The following LONRF2 variants were observed in gnomAD, a reference collection of about 807,000 sequenced individuals.
LONRF2 encodes LON peptidase N-terminal domain and ring finger 2.
Under a neutral mutation model 66.6 loss-of-function variants are expected in LONRF2, and 35 were observed. That is an observed-to-expected ratio of 0.53 (90% confidence interval 0.40 to 0.70). The LOEUF (loss-of-function observed/expected upper bound fraction) is 0.70, where lower values mean the gene tolerates loss of function less well. Among genes scored for constraint, LONRF2 ranks in the 30% least tolerant of loss-of-function variants. The pLI is 0.00. For synonymous variants in LONRF2, 417 were observed against 418.1 expected (o/e 1.00, Z 0.03); for missense variants, 902 against 1,002.1 (o/e 0.90, Z 1.35).
At chr2:100,311,764 G>C (rs1675412963) in intron 1 of LONRF2, among the ~76,000 whole-genome samples, 1 of 152,046 alleles carries the variant, frequency 6.6e-6, no homozygotes, top group Non-Finnish European at 1.5e-5. Context: ...TAACAAGTAG[G>C]TGTTGAATTT....
chr2:100,284,772 G>T (rs1217843635), intron 11 of LONRF2, among the ~76,000 whole-genome samples: 2 of 152,192 alleles, frequency 1.3e-5, no homozygotes. Flanking sequence ...CAAGCTTTCA[G>T]TTAAGAGTAT....
chr2:100,299,400 G>A (rs1675133448), intron 5 of LONRF2, 81 bp from the exon 6 acceptor site: 4 of 811,248 alleles, frequency 4.9e-6, no homozygotes, highest in Non-Finnish European at 7.6e-6. Context: ...ATTTTCTCTG[G>A]ACCAAACGTG....
intron 7 of LONRF2, among the ~76,000 whole-genome samples, chr2:100,298,277 T>C (rs530407443): frequency 1.3e-5 from 2 of 152,354 alleles, no homozygotes; most frequent in South Asian, 4.1e-4. Flanking sequence ...TTTAATAGTT[T>C]ATATTGGGGC....
intron 7 of LONRF2, among the ~76,000 whole-genome samples, chr2:100,298,376 C>G (rs1475612355): frequency 6.6e-6 from 1 of 152,088 alleles, no homozygotes; most frequent in Non-Finnish European, 1.5e-5. Flanking sequence ...CCCATGGGAC[C>G]TGAATTTTAC....
At position 100,274,184 on chromosome 2, in the gene LONRF2, T is replaced by C. The variant is rs1449461630; in HGVS notation, c.*10114A>G. On this transcript the variant is annotated 3_prime_UTR_variant, in exon 12 of 12. Transcript: ENST00000393437. The stretch of plus-strand genomic sequence containing the variant: ...CAGTAAACTTCCTCAGGGTTCTCTA[T>C]TATGATCAGGGCCAATCCTTCACCT... 2.0e-5 allele frequency: 3 copies of C among 152,102 alleles called. No individual in the cohort carries two copies. Among genetic ancestry groups the C allele is most frequent in the Non-Finnish European group, 4.4e-5 (3 of 68,030 alleles). The allele number at this position is 152,102 out of a possible 1,614,324, so 9.4% of individuals were successfully genotyped here.
Position 100,272,126 on chromosome 2 carries a change from C to G in LONRF2, c.*12172G>C, listed in dbSNP as rs1319939669. Among the ~76,000 whole-genome samples, 2 of 152,180 alleles carry G rather than the reference C, an allele frequency of 1.3e-5. No individual in the cohort carries two copies. Among genetic ancestry groups the G allele is most frequent in the Non-Finnish European group, 2.9e-5 (2 of 68,026 alleles). On this transcript the variant is annotated 3_prime_UTR_variant, in exon 12 of 12. Coordinates refer to ENST00000393437, the MANE Select transcript of LONRF2 (RefSeq NM_198461.4). ...TTAGTCTATGATTTTTGCCCCATAT[C>G]CATGTTAGAGGAAGAACTTAAATAT...
At chr2:100,286,875 G>C (rs754033182) in intron 11 of LONRF2, 39 bp downstream of exon 11, 9 of 1,599,090 alleles carry the variant, frequency 5.6e-6, no homozygotes, top group African/African-American at 4.0e-5. Context: ...CACTACAGCA[G>C]GAAGTAACAG....
chr2:100,321,736 C>T lies in LONRF2; in HGVS notation c.358G>A (p.Gly120Ser). Reference protein sequence around the residue: ...DRPLSAENPGGEPEAPGEGGP... With the variant: ...DRPLSAENPGSEPEAPGEGGP... ...CCCTCGCCGGGCGCCTCGGGCTCGC[C>T]GCCCGGGTTCTCCGCGGACAGCGGC... The change falls in exon 1 of 12, where the codon GGC becomes AGC. Residue 120 changes from glycine to serine, a missense_variant. Around this residue, in one of 2 missense-constraint regions of LONRF2, gnomAD observed 585 missense variants for 569.9 expected, o/e 1.03. Coordinates refer to ENST00000393437, the MANE Select transcript of LONRF2 (RefSeq NM_198461.4). The T allele has an allele frequency of 9.0e-7, 1 of 1,106,580 alleles. No homozygotes were observed. Among genetic ancestry groups the T allele is most frequent in the Non-Finnish European group, 1.1e-6 (1 of 910,428 alleles). The allele number at this position is 1,106,580 out of a possible 1,614,324, so 68.5% of individuals were successfully genotyped here.
chr2:100,296,949 T>G (rs1675080560), intron 7 of LONRF2, among the ~76,000 whole-genome samples: 1 of 152,138 alleles, frequency 6.6e-6, no homozygotes, highest in Non-Finnish European at 1.5e-5. Context: ...AATTTTGGAT[T>G]TTATTTCACT....
rs1026706968 is a variant in LONRF2, at chr2:100,280,017, G to A, written c.*4281C>T. On this transcript the variant is annotated 3_prime_UTR_variant, in exon 12 of 12. Transcript: ENST00000393437. The stretch of plus-strand genomic sequence containing the variant: ...CTGTCAATGGCATCCACCTTTCTGC[G>A]TCCTCAATCAGTTACTTTTATCAGA... 12 of 152,260 alleles carry A rather than the reference G, an allele frequency of 7.9e-5. No homozygotes were observed. Among genetic ancestry groups the A allele is most frequent in the African/African-American group, 2.2e-4 (9 of 41,526 alleles). 9.4% of individuals were successfully genotyped at this position (152,260 alleles called of 1,614,324 possible). A position where few individuals can be genotyped will look rare whatever the true frequency, so the allele number is the denominator to read the frequency against.
rs1675646319 is a variant in LONRF2, at chr2:100,322,014, A to G, written c.80T>C (p.Leu27Ser). 2 of 1,428,512 alleles carry G rather than the reference A, an allele frequency of 1.4e-6. No homozygotes were observed. Among genetic ancestry groups the G allele is most frequent in the Non-Finnish European group, 1.8e-6 (2 of 1,092,138 alleles). 88.5% of individuals were successfully genotyped at this position (1,428,512 alleles called of 1,614,324 possible). ...GCGGAAGGCCTCGTCGCCCTCCTCT[A>G]AGCGCTGGGCGATCGGCTCCGCGCG... is the stretch of plus-strand genomic sequence containing the variant. ...CDRAEPIAQRLEEGDEAFRAG... is the reference protein window; with the variant it reads ...CDRAEPIAQRSEEGDEAFRAG... Residue 27 changes from leucine (L) to serine (S), a missense_variant, in exon 1 of 12, where the codon TTA becomes TCA. This residue lies in a region of LONRF2 where 585 missense variants were observed against 569.9 expected (regional missense o/e 1.03). Coordinates refer to ENST00000393437, the MANE Select transcript of LONRF2 (RefSeq NM_198461.4).
rs941837961 is a variant in LONRF2, at chr2:100,271,914, T to A, written c.*12384A>T. ...ACTCCGAGCTTTATTTCCAACAATG[T>A]CCGTCATCACAGAAAGTTTCATCCA... On this transcript the variant is annotated 3_prime_UTR_variant, in exon 12 of 12. Transcript: ENST00000393437. 6.6e-6 allele frequency among the ~76,000 whole-genome samples: 1 copy of A among 152,210 alleles called. No homozygotes were observed. The highest frequency in any genetic ancestry group is 2.4e-5 in the African/African-American group (1 of 41,454).
rs1231537007 is a variant in LONRF2 at position 100,276,586 on chromosome 2, G to C, written c.*7712C>G. On this transcript the variant is annotated 3_prime_UTR_variant, in exon 12 of 12. Coordinates refer to ENST00000393437, the MANE Select transcript of LONRF2 (RefSeq NM_198461.4). Reference sequence around the variant, plus strand: ...TTAAAACTTACTAATTAATAAAGGGGTGATTATACCCTTGTTTCTCCATTG... The same window carrying C: ...TTAAAACTTACTAATTAATAAAGGGCTGATTATACCCTTGTTTCTCCATTG... 2.6e-5 allele frequency: 4 copies of C among 152,058 alleles called. No homozygotes were observed. The highest frequency in any genetic ancestry group is 2.6e-4 in the Admixed American group (4 of 15,264). The allele number at this position is 152,058 out of a possible 1,614,324, so 9.4% of individuals were successfully genotyped here. A position where few individuals can be genotyped will look rare whatever the true frequency, so the allele number is the denominator to read the frequency against.
chr2:100,299,542 G>A (rs1675135561), intron 5 of LONRF2, among the ~76,000 whole-genome samples, 175 bp downstream of exon 5: 1 of 152,086 alleles, frequency 6.6e-6, no homozygotes, highest in Admixed American at 6.6e-5. Context: ...TGCTATTTTT[G>A]ACTATGAAGT....
In LONRF2 at chr2:100,311,157, C is replaced by T. The variant is rs115567486; in HGVS notation, c.680-1932G>A. ...ATAGAATTCTATTAGATTCTCCTCA[C>T]GGTATCTGCCTTTTTAGCATGTTAT... On this transcript the variant is annotated intron_variant, in intron 1 of 11. Coordinates refer to ENST00000393437, the MANE Select transcript of LONRF2 (RefSeq NM_198461.4). 3.4e-3 allele frequency among the ~76,000 whole-genome samples: 511 copies of T among 152,238 alleles called. 2 individuals are homozygous for T. Among genetic ancestry groups the T allele is most frequent in the South Asian group, 6.4e-3 (31 of 4,826 alleles).
At chr2:100,300,141 T>C (rs984767009) in intron 4 of LONRF2, among the ~76,000 whole-genome samples, 12 of 141,266 alleles carry the variant, frequency 8.5e-5, no homozygotes, top group South Asian at 4.5e-4. Context: ...TGAAAAGTTA[T>C]CTTCATATGC....
intron 7 of LONRF2, 111 bp from the exon 8 acceptor site, chr2:100,295,664 AGAAG>A (rs1158945524): frequency 1.9e-6 from 2 of 1,071,852 alleles, no homozygotes; most frequent in African/African-American, 3.2e-5. Context: ...TGAGCAGGTA[AGAAG>A]GAAAAGGGAT....
chr2:100,309,536 A>T (rs1675368013), intron 1 of LONRF2: 1 of 166,598 alleles, frequency 6.0e-6, no homozygotes, highest in Admixed American at 6.3e-5. Context: ...GAGCTACATC[A>T]TCTCCAATAA....
chr2:100,319,472 C>T (rs1675578744), intron 1 of LONRF2, among the ~76,000 whole-genome samples: 1 of 152,162 alleles, frequency 6.6e-6, no homozygotes, highest in African/African-American at 2.4e-5. Context: ...CACCACTACC[C>T]CACAGATCCC....
Sources: allele counts gnomAD v4.1 joint callset (sites outside exome capture counted in the v4.1 genomes callset), GRCh38; gene constraint gnomAD v4.1.1; regional missense constraint gnomAD v4.1.1; transcripts MANE v1.5; gene names NCBI Gene and HGNC (gene_info 2026-07-23, HGNC 2026-07-21).